Variants in RARB observed in about 807,000 individuals in gnomAD.
RARB encodes the protein HBV-activated protein.
A neutral mutation model predicts 51.9 loss-of-function variants in RARB; 17 were observed. The ratio of observed to expected loss-of-function variants is 0.33; its 90% CI spans 0.22 to 0.49. RARB has a LOEUF of 0.49. RARB is among the 20% of genes least tolerant of loss of function. The pLI is 0.99. For synonymous variants in RARB, 215 were observed against 195.4 expected, an observed-to-expected ratio of 1.10 and a Z score of -0.84; for missense variants, 369 against 550.8, an observed-to-expected ratio of 0.67 and a Z score of 3.30.
chr3:25,079,967 T>C (rs146275585), intron 3 of RARB, among the ~76,000 whole-genome samples: 1 of 152,286 alleles, frequency 6.6e-6, no homozygotes, highest in East Asian at 1.9e-4. Flanking sequence ...AAATTTGTCA[T>C]TTGTCTGTTT....
rs368124961 is a variant in RARB at position 25,068,570 on chromosome 3, G to A, written c.-328+8394G>A. Among the ~76,000 whole-genome samples, 116 of 152,240 alleles carry A rather than the reference G, an allele frequency of 7.6e-4. 1 individual carries two copies. The highest frequency in any genetic ancestry group is 2.4e-3 in the African/African-American group (98 of 41,546). On this transcript the variant is annotated intron_variant, in intron 3 of 11. Coordinates refer to the RARB transcript ENST00000383772. ...TTAATGACATCAAGAAAAAATTAAC[G>A]GAAGTTATGAAATGGGTTGTTAGCT...
At chr3:25,159,303 G>A (rs1700434967) in intron 4 of RARB, among the ~76,000 whole-genome samples, 1 of 151,290 alleles carries the variant, frequency 6.6e-6, no homozygotes, top group African/African-American at 2.4e-5. Context: ...GTGAGTAGCT[G>A]GGATTACAAG....
chr3:25,352,040 A>G (rs1044324568), intron 5 of RARB, among the ~76,000 whole-genome samples: 1 of 152,208 alleles, frequency 6.6e-6, no homozygotes, highest in Non-Finnish European at 1.5e-5. Flanking sequence ...GAATGCAAAC[A>G]CTGCTCCAAG....
intron 2 of RARB, among the ~76,000 whole-genome samples, chr3:24,964,268 GAATTTACAAATCA>G (rs1696207600): frequency 6.6e-6 from 1 of 152,024 alleles, no homozygotes; most frequent in African/African-American, 2.4e-5. Flanking sequence ...TATTTTGTAG[GAATTTACAAATCA>G]AATTTACAAA....
chr3:24,865,514 G>C (rs1428354197), intron 2 of RARB, among the ~76,000 whole-genome samples: 1 of 152,080 alleles, frequency 6.6e-6, no homozygotes, highest in Non-Finnish European at 1.5e-5. Context: ...TAACAGGAAG[G>C]CTGTGAAATC....
At chr3:25,555,108 T>G (rs931113418) in intron 3 of RARB, among the ~76,000 whole-genome samples, 13 of 152,192 alleles carry the variant, frequency 8.5e-5, no homozygotes, top group African/African-American at 3.1e-4. Context: ...AGGTTCCCTG[T>G]AAATATTTGA....
At chr3:24,980,256 G>C (rs74344197) in intron 2 of RARB, among the ~76,000 whole-genome samples, 1 of 152,096 alleles carries the variant, frequency 6.6e-6, no homozygotes, top group East Asian at 1.9e-4. Flanking sequence ...TCTTCGGGTT[G>C]CTCTTCTCAA....
intron 3 of RARB, among the ~76,000 whole-genome samples, chr3:25,536,778 G>A (rs990652174): frequency 6.6e-6 from 1 of 152,192 alleles, no homozygotes; most frequent in Admixed American, 6.5e-5. Flanking sequence ...GAGCAGAAAT[G>A]GTGAAAAGTT....
At chr3:25,407,290 G>T (rs1223800957) in intron 5 of RARB, among the ~76,000 whole-genome samples, 1 of 152,160 alleles carries the variant, frequency 6.6e-6, no homozygotes. Context: ...ATAAACTTCA[G>T]TCTTTAGAAA....
At chr3:25,363,451 T>G (rs1706015163) in intron 5 of RARB, among the ~76,000 whole-genome samples, 1 of 152,176 alleles carries the variant, frequency 6.6e-6, no homozygotes, top group African/African-American at 2.4e-5. Flanking sequence ...CCTACAACTT[T>G]CGCCATCTGG....
intron 2 of RARB, among the ~76,000 whole-genome samples, chr3:25,051,677 G>T (rs565797347): frequency 6.6e-6 from 1 of 152,044 alleles, no homozygotes; most frequent in Admixed American, 6.6e-5. Context: ...GATCAAGAAA[G>T]TTACAGTTCA....
intron 3 of RARB, among the ~76,000 whole-genome samples, chr3:25,120,221 G>A (rs1232114918): frequency 1.3e-5 from 2 of 152,114 alleles, no homozygotes; most frequent in Non-Finnish European, 2.9e-5. Flanking sequence ...GATGAAAGAC[G>A]ATAAATGGCA....
chr3:25,013,305 G>T (rs1697437189), intron 2 of RARB, among the ~76,000 whole-genome samples: 1 of 152,004 alleles, frequency 6.6e-6, no homozygotes, highest in Non-Finnish European at 1.5e-5. Flanking sequence ...ACCACTTTTG[G>T]CTCCCTGAAA....
chr3:25,103,234 G>A (rs183401440), intron 3 of RARB, among the ~76,000 whole-genome samples: 1 of 152,070 alleles, frequency 6.6e-6, no homozygotes, highest in Non-Finnish European at 1.5e-5. Context: ...TTTATTGTTG[G>A]TCATGAAACA....
intron 5 of RARB, among the ~76,000 whole-genome samples, chr3:25,310,248 A>T (rs972721002): frequency 5.9e-5 from 9 of 152,208 alleles, no homozygotes; most frequent in African/African-American, 1.9e-4. Flanking sequence ...GTTCCCTGCT[A>T]ACTCATAATG....
At chr3:25,287,601 A>T (rs1703687699) in intron 5 of RARB, among the ~76,000 whole-genome samples, 1 of 152,192 alleles carries the variant, frequency 6.6e-6, no homozygotes, top group Non-Finnish European at 1.5e-5. Flanking sequence ...CAGCTTCAAG[A>T]GTCACCTCAC....
intron 3 of RARB, among the ~76,000 whole-genome samples, chr3:25,085,257 G>A (rs1024342283): frequency 1.4e-4 from 22 of 152,122 alleles, no homozygotes; most frequent in Admixed American, 7.2e-4. Flanking sequence ...CAATGTAAAT[G>A]TAAGCCATAA....
chr3:25,448,680 T>G, intron 1 of RARB, among the ~76,000 whole-genome samples: 1 of 152,210 alleles, frequency 6.6e-6, no homozygotes, highest in African/African-American at 2.4e-5. Flanking sequence ...TTGGTCAGGC[T>G]GGTCTCAAAC....
rs532863503 is a variant in RARB, at chr3:24,910,238, G to C, written c.-380+51486G>C. On this transcript the variant is annotated intron_variant, in intron 2 of 11. Coordinates refer to the RARB transcript ENST00000383772. ...AAGCCTAGAAACTTAGGGAAATTGG[G>C]GGTGCTGGCAAAAAAACGTTGAATT... Among the ~76,000 whole-genome samples the C allele has an allele frequency of 2.0e-5, 3 of 152,134 alleles. No homozygotes were observed. The South Asian group carries it at 6.2e-4, about 32-fold the overall frequency.
Sources: allele counts gnomAD v4.1 joint callset (sites outside exome capture counted in the v4.1 genomes callset), GRCh38; gene constraint gnomAD v4.1.1; transcripts MANE v1.5; gene names NCBI Gene and HGNC (gene_info 2026-07-23, HGNC 2026-07-21).